ATP8A2: variants seen among roughly 807,000 people sequenced by gnomAD.
The protein encoded by ATP8A2 is phospholipid-transporting ATPase IB.
Under a neutral mutation model 165.6 loss-of-function variants are expected in ATP8A2, and 100 were observed. The observed-to-expected ratio is 0.60, with a 90% CI of 0.51 to 0.71. The LOEUF (loss-of-function observed/expected upper bound fraction) is 0.71, where lower values mean the gene tolerates loss of function less well. Among genes scored for constraint, ATP8A2 ranks in the 30% least tolerant of loss-of-function variants. ATP8A2 has a pLI of 0.00. For missense variants in ATP8A2, 1,227 were observed against 1,479.5 expected, an observed-to-expected ratio of 0.83 and a Z score of 2.80; for synonymous variants, 543 against 548.8, an observed-to-expected ratio of 0.99 and a Z score of 0.15.
intron 27 of ATP8A2, among the ~76,000 whole-genome samples, chr13:25,787,606 C>T (rs1240559990): frequency 2.0e-5 from 3 of 152,318 alleles, no homozygotes; most frequent in South Asian, 2.1e-4. Flanking sequence ...CCTTATTCAG[C>T]GTTGCTGCAT....
chr13:25,538,291 T>C (rs1052339089), intron 7 of ATP8A2, among the ~76,000 whole-genome samples: 1 of 152,170 alleles, frequency 6.6e-6, no homozygotes, highest in African/African-American at 2.4e-5. Flanking sequence ...CTCCACTTAG[T>C]CTCCTGGCTA....
chr13:25,914,000 C>G (rs1274513972), intron 33 of ATP8A2, among the ~76,000 whole-genome samples: 1 of 152,190 alleles, frequency 6.6e-6, no homozygotes, highest in African/African-American at 2.4e-5. Context: ...CCTCATATGA[C>G]TCCTCAGCAT....
intron 1 of ATP8A2, among the ~76,000 whole-genome samples, chr13:25,373,540 G>A (rs570716235): frequency 1.3e-5 from 2 of 152,266 alleles, no homozygotes; most frequent in South Asian, 4.1e-4. Context: ...GGCAGCCTGA[G>A]GAGACCTGGG....
intron 1 of ATP8A2, among the ~76,000 whole-genome samples, chr13:25,467,551 T>G (rs1356462971): frequency 6.7e-6 from 1 of 149,838 alleles, no homozygotes; most frequent in African/African-American, 2.5e-5. Context: ...TTGCGTAAGA[T>G]GTCAGTTTTT....
At chr13:25,710,010 G>GCATTTCTA (rs1177977436) in intron 25 of ATP8A2, among the ~76,000 whole-genome samples, 1 of 152,074 alleles carries the variant, frequency 6.6e-6, no homozygotes, top group African/African-American at 2.4e-5. Context: ...TGGGTGTCTT[G>GCATTTCTA]CATTTCTACA....
At chr13:25,770,681 G>A (rs960945788) in intron 26 of ATP8A2, among the ~76,000 whole-genome samples, 1 of 152,178 alleles carries the variant, frequency 6.6e-6, no homozygotes, top group South Asian at 2.1e-4. Flanking sequence ...ATATCTAGAT[G>A]ATTTGGCCTG....
At chr13:25,683,222 A>G (rs987229228) in intron 24 of ATP8A2, among the ~76,000 whole-genome samples, 6 of 152,296 alleles carry the variant, frequency 3.9e-5, no homozygotes, top group African/African-American at 1.4e-4. Flanking sequence ...CATTGCCCTT[A>G]GACATTAAGC....
rs771032926 is a variant in ATP8A2, at chr13:25,774,813, T to TG, written c.2569-33dup. The stretch of plus-strand genomic sequence containing the variant: ...GTTTGTGACTTTTATTCCTCAATGA[T>TG]GGGCTCTTCTGAGCTTTGTAATTTT... On this transcript the variant is annotated intron_variant, in intron 26 of 36. Transcript: ENST00000381655. 4.1e-5 allele frequency: 50 copies of TG among 1,219,218 alleles called. No homozygotes were observed. The African/African-American group carries it at 6.5e-4, about 16-fold the overall frequency. 75.5% of individuals were successfully genotyped at this position (1,219,218 alleles called of 1,614,324 possible).
At chr13:25,431,035 CAT>C (rs1011614620) in intron 1 of ATP8A2, among the ~76,000 whole-genome samples, 8 of 152,040 alleles carry the variant, frequency 5.3e-5, no homozygotes, top group African/African-American at 1.7e-4. Context: ...CACACACACA[CAT>C]AATGGGTGTG....
At chr13:25,903,142 C>CA (rs1307544809) in intron 33 of ATP8A2, among the ~76,000 whole-genome samples, 4 of 151,662 alleles carry the variant, frequency 2.6e-5, no homozygotes, top group Non-Finnish European at 5.9e-5. Flanking sequence ...CGAAACAAAA[C>CA]AAAAAAAATT....
At chr13:25,792,180 A>G (rs934113332) in intron 27 of ATP8A2, among the ~76,000 whole-genome samples, 5 of 152,208 alleles carry the variant, frequency 3.3e-5, no homozygotes, top group African/African-American at 9.6e-5. Context: ...CATGTAAACA[A>G]TGTACCGATA....
intron 25 of ATP8A2, among the ~76,000 whole-genome samples, chr13:25,756,577 G>C (rs1484503396): frequency 6.6e-6 from 1 of 152,174 alleles, no homozygotes; most frequent in African/African-American, 2.4e-5. Context: ...GAAGACACTT[G>C]CTTGTGTTTA....
chr13:25,481,568 G>A (rs997053946), intron 2 of ATP8A2, among the ~76,000 whole-genome samples: 2 of 152,216 alleles, frequency 1.3e-5, no homozygotes, highest in Non-Finnish European at 1.5e-5. Context: ...ATGTGTAGTA[G>A]TAAGGAGAGA....
intron 33 of ATP8A2, among the ~76,000 whole-genome samples, chr13:25,950,067 AGGGATTACAGGT>A (rs1176655124): frequency 6.6e-6 from 1 of 152,134 alleles, no homozygotes. Context: ...CCCAAAGTGC[AGGGATTACAGGT>A]GTGAGCCACC....
At chr13:25,965,394 A>G (rs1955754668) in intron 34 of ATP8A2, among the ~76,000 whole-genome samples, 1 of 152,222 alleles carries the variant, frequency 6.6e-6, no homozygotes, top group South Asian at 2.1e-4. Flanking sequence ...ATGAAGATCC[A>G]TTATTAGACT....
At chr13:25,806,587 G>A (rs956106124) in intron 27 of ATP8A2, among the ~76,000 whole-genome samples, 2 of 152,048 alleles carry the variant, frequency 1.3e-5, no homozygotes, top group Non-Finnish European at 2.9e-5. Flanking sequence ...CCAAAAGCAA[G>A]CAGAGCAGGC....
At chr13:25,476,582 G>C (rs6491059) in intron 2 of ATP8A2, among the ~76,000 whole-genome samples, 2 of 152,074 alleles carry the variant, frequency 1.3e-5, no homozygotes, top group Admixed American at 6.5e-5. Flanking sequence ...GAGCCATGAC[G>C]CCTGACAGAA....
rs531807526 is a variant in ATP8A2, at chr13:25,372,785, C to T, written c.76+497C>T. Among the ~76,000 whole-genome samples, 13 of 152,302 alleles carry T rather than the reference C, an allele frequency of 8.5e-5. No individual in the cohort carries two copies. The South Asian group carries it at 2.5e-3, about 29-fold the overall frequency. The stretch of plus-strand genomic sequence containing the variant: ...TCGAGTGATTCTCACCACTTGGAGC[C>T]CCGGGTCCTCGCGCGCTCACAGCGG... On this transcript the variant is annotated intron_variant, in intron 1 of 36. Transcript: ENST00000381655. The surrounding 1 kb of genome is among the most constrained non-coding windows in gnomAD (Gnocchi z 4.8).
At chr13:25,623,546 T>C (rs541518534) in intron 24 of ATP8A2, among the ~76,000 whole-genome samples, 1 of 152,302 alleles carries the variant, frequency 6.6e-6, no homozygotes, top group South Asian at 2.1e-4. Context: ...AGAAAAATCT[T>C]GTAAATTCAC....
Sources: allele counts gnomAD v4.1 joint callset (sites outside exome capture counted in the v4.1 genomes callset), GRCh38; gene constraint gnomAD v4.1.1; non-coding constraint Gnocchi (gnomAD v3.1); transcripts MANE v1.5; gene names NCBI Gene and HGNC (gene_info 2026-07-23, HGNC 2026-07-21).